GPC5: variants seen among roughly 807,000 people sequenced by gnomAD.
GPC5 encodes glypican-5.
A neutral mutation model predicts 53.9 loss-of-function variants in GPC5; 47 were observed. That is an observed-to-expected ratio of 0.87 (90% CI 0.69 to 1.11). The LOEUF (loss-of-function observed/expected upper bound fraction) is 1.11. Ranked by LOEUF, GPC5 falls within the 50% of genes most tolerant of loss-of-function variation. The probability of loss-of-function intolerance (pLI) is 0.00; values close to 1 mark genes in which losing one functional copy is unlikely to be tolerated. For synonymous variants in GPC5, 286 were observed against 263.3 expected (o/e 1.09, Z -0.84); for missense variants, 748 against 713.1 (o/e 1.05, Z -0.56).
intron 2 of GPC5, among the ~76,000 whole-genome samples, chr13:91,523,750 A>T (rs542923590): frequency 6.6e-6 from 1 of 152,342 alleles, no homozygotes; most frequent in African/African-American, 2.4e-5. Context: ...CACAGCACCC[A>T]TGTGAGGTGA....
At chr13:91,453,377 G>A (rs906397815) in intron 2 of GPC5, among the ~76,000 whole-genome samples, 2 of 151,670 alleles carry the variant, frequency 1.3e-5, no homozygotes, top group Non-Finnish European at 2.9e-5. Context: ...AAGTATATAT[G>A]TATATATATA....
rs1457028793 is a variant in GPC5 at position 91,806,959 on chromosome 13, T to A, written c.1280+50539T>A. Among the ~76,000 whole-genome samples the A allele has an allele frequency of 2.0e-5, 3 of 152,220 alleles. No homozygotes were observed. In the East Asian group the frequency reaches 5.8e-4, roughly 29 times the overall value. On this transcript the variant is annotated intron_variant, in intron 5 of 7. Coordinates refer to ENST00000377067, the MANE Select transcript of GPC5 (RefSeq NM_004466.6). ...AACCATTTTATGGGAATATTCTTAA[T>A]AGAGTTTTAATGCATTTAATGCATG...
chr13:92,386,810 G>A (rs1349604875), intron 7 of GPC5, among the ~76,000 whole-genome samples: 4 of 151,850 alleles, frequency 2.6e-5, no homozygotes, highest in African/African-American at 7.2e-5. Flanking sequence ...CTTCTAATCC[G>A]GTTAAAAACT....
intron 7 of GPC5, among the ~76,000 whole-genome samples, chr13:92,164,387 G>A (rs2042012116): frequency 2.0e-5 from 3 of 152,218 alleles, no homozygotes; most frequent in Non-Finnish European, 2.9e-5. Flanking sequence ...GGAGAAATTG[G>A]CCAAAATGAA....
intron 6 of GPC5, among the ~76,000 whole-genome samples, chr13:92,114,994 C>A (rs1217855134): frequency 6.6e-6 from 1 of 152,130 alleles, no homozygotes; most frequent in Non-Finnish European, 1.5e-5. Context: ...TATTCTGATT[C>A]ATTTCTATTA....
At chr13:92,174,152 T>A (rs1002696469) in intron 7 of GPC5, among the ~76,000 whole-genome samples, 11 of 152,030 alleles carry the variant, frequency 7.2e-5, no homozygotes, top group African/African-American at 2.2e-4. Context: ...TTAGGCTTGC[T>A]GATAAAAGTC....
chr13:92,571,941 G>A (rs1320852386), intron 7 of GPC5, among the ~76,000 whole-genome samples: 1 of 151,974 alleles, frequency 6.6e-6, no homozygotes, highest in African/African-American at 2.4e-5. Context: ...AGGCTGAGGT[G>A]GAAGGATCAC....
intron 3 of GPC5, among the ~76,000 whole-genome samples, chr13:91,713,099 G>A (rs1443041179): frequency 6.6e-6 from 1 of 152,156 alleles, no homozygotes; most frequent in African/African-American, 2.4e-5. Context: ...ACTGAAGCAC[G>A]AGGATTGCTT....
rs187780598 is a variant in GPC5 at position 92,315,047 on chromosome 13, G to A, written c.1561+170058G>A. On this transcript the variant is annotated intron_variant, in intron 7 of 7. Coordinates refer to ENST00000377067, the MANE Select transcript of GPC5 (RefSeq NM_004466.6). Reference sequence around the variant, plus strand: ...CTGCCTCGGCCTCTCAAAGTGCTGGGATTACAGGTATGAGCCACTGCTCCT... The same window carrying A: ...CTGCCTCGGCCTCTCAAAGTGCTGGAATTACAGGTATGAGCCACTGCTCCT... 5.4e-4 allele frequency among the ~76,000 whole-genome samples: 82 copies of A among 152,284 alleles called. No individual in the cohort carries two copies. The East Asian group carries it at 9.7e-3, about 18-fold the overall frequency.
At chr13:91,807,039 T>A (rs1434457898) in intron 5 of GPC5, among the ~76,000 whole-genome samples, 2 of 152,260 alleles carry the variant, frequency 1.3e-5, no homozygotes, top group South Asian at 2.1e-4. Context: ...GATCAATATT[T>A]CTCTAAGCCT....
intron 7 of GPC5, among the ~76,000 whole-genome samples, chr13:92,715,057 T>C (rs1166304473): frequency 6.6e-6 from 1 of 152,170 alleles, no homozygotes; most frequent in Non-Finnish European, 1.5e-5. Flanking sequence ...AGAGCAAGAC[T>C]TCCTCTCAAA....
intron 7 of GPC5, among the ~76,000 whole-genome samples, chr13:92,532,520 A>G (rs1041936131): frequency 3.3e-5 from 5 of 152,224 alleles, no homozygotes; most frequent in African/African-American, 1.2e-4. Flanking sequence ...CCAAAGAAAT[A>G]CAAAACACTG....
intron 2 of GPC5, among the ~76,000 whole-genome samples, chr13:91,670,432 A>G (rs564138883): frequency 1.3e-5 from 2 of 152,214 alleles, no homozygotes; most frequent in Non-Finnish European, 2.9e-5. Flanking sequence ...GAGAAAAATT[A>G]AAAGACATTC....
At chr13:92,364,662 G>A (rs1208747189) in intron 7 of GPC5, among the ~76,000 whole-genome samples, 5 of 151,650 alleles carry the variant, frequency 3.3e-5, no homozygotes, top group East Asian at 3.9e-4. Context: ...CCCGGGAGGC[G>A]GAGCTTGCAG....
intron 2 of GPC5, among the ~76,000 whole-genome samples, chr13:91,510,730 A>AT (rs1360113297): frequency 6.6e-6 from 1 of 152,148 alleles, no homozygotes; most frequent in Non-Finnish European, 1.5e-5. Flanking sequence ...TATCCCTTCC[A>AT]TAATGGATAT....
intron 6 of GPC5, among the ~76,000 whole-genome samples, chr13:91,935,353 G>T (rs1384720339): frequency 6.6e-6 from 1 of 151,944 alleles, no homozygotes; most frequent in African/African-American, 2.4e-5. Flanking sequence ...AGATGATTAA[G>T]CCATGACTGC....
chr13:92,724,979 C>G (rs1457178177), intron 7 of GPC5, among the ~76,000 whole-genome samples: 1 of 150,930 alleles, frequency 6.6e-6, no homozygotes, highest in East Asian at 1.9e-4. Flanking sequence ...TCAGACCATG[C>G]CTCAACAAAT....
chr13:92,480,222 C>T (rs894976350), intron 7 of GPC5, among the ~76,000 whole-genome samples: 3 of 152,132 alleles, frequency 2.0e-5, no homozygotes, highest in African/African-American at 7.2e-5. Context: ...TGACTAACAT[C>T]AGATGGTGCT....
In GPC5 at chr13:91,840,285, T is replaced by C. The variant is rs117488386; in HGVS notation, c.1281-67652T>C. ...ACTTTGACTTATTCATCTTTCTCTTTAGCAACCATCTGTATTATCTGACAC... is the reference window on the plus strand; with the variant it reads ...ACTTTGACTTATTCATCTTTCTCTTCAGCAACCATCTGTATTATCTGACAC... On this transcript the variant is annotated intron_variant, in intron 5 of 7. Transcript: ENST00000377067. Among the ~76,000 whole-genome samples the C allele has an allele frequency of 7.9e-3, 1,207 of 152,320 alleles. 10 individuals carry two copies. Among genetic ancestry groups the C allele is most frequent in the Non-Finnish European group, 0.013 (901 of 68,014 alleles).
Sources: gnomAD v4.1 joint callset for allele counts (sites outside exome capture counted in the v4.1 genomes callset) on GRCh38, gnomAD v4.1.1 for gene constraint, MANE v1.5 for transcripts, NCBI Gene and HGNC (gene_info 2026-07-23, HGNC 2026-07-21) for gene names.